The following CSMD1 variants were observed in gnomAD, a reference collection of about 807,000 sequenced individuals.
CSMD1 encodes the protein CUB and sushi domain-containing protein 1.
In CSMD1, 213 loss-of-function variants were observed where a neutral mutation model predicts 417.5. That is an observed-to-expected ratio of 0.51 (90% CI 0.46 to 0.57). CSMD1 has a LOEUF of 0.57. Among genes scored for constraint, CSMD1 ranks in the 20% least tolerant of loss-of-function variants. The pLI is 0.00. For synonymous variants in CSMD1, 2,862 were observed against 1,736.8 expected (o/e 1.65, Z -16.11); for missense variants, 6,923 against 4,529.7 (o/e 1.53, Z -15.17).
intron 7 of CSMD1, among the ~76,000 whole-genome samples, chr8:3,618,453 A>G (rs1802254500): frequency 6.6e-6 from 1 of 151,336 alleles, no homozygotes; most frequent in Non-Finnish European, 1.5e-5. Context: ...AGGTATTTTT[A>G]TTTCTTTTTT....
At chr8:3,631,411 C>G (rs79504297) in intron 7 of CSMD1, among the ~76,000 whole-genome samples, 2,777 of 152,188 alleles carry the variant, frequency 0.018, 88 homozygotes, top group East Asian at 0.17. Flanking sequence ...GAAGCCAGCC[C>G]GTGGCTGAGC....
At chr8:4,211,916 C>T (rs928679629) in intron 3 of CSMD1, among the ~76,000 whole-genome samples, 1 of 152,134 alleles carries the variant, frequency 6.6e-6, no homozygotes, top group Non-Finnish European at 1.5e-5. Flanking sequence ...CATCAATGTA[C>T]TATTAGGAAG....
chr8:3,877,555 G>C (rs538677706), intron 5 of CSMD1, among the ~76,000 whole-genome samples: 4 of 152,082 alleles, frequency 2.6e-5, no homozygotes, highest in Non-Finnish European at 5.9e-5. Context: ...GTAAAGGCCA[G>C]AGAAAAAAAT....
At chr8:4,036,734 G>C (rs112785263) in intron 3 of CSMD1, among the ~76,000 whole-genome samples, 1,781 of 152,300 alleles carry the variant, frequency 0.012, 38 homozygotes, top group East Asian at 0.059. Context: ...TGCAGTTGCA[G>C]GCTTTTATTT....
At chr8:3,984,468 G>C (rs2688390) in intron 5 of CSMD1, among the ~76,000 whole-genome samples, 33,970 of 151,602 alleles carry the variant, frequency 0.22, 4,160 homozygotes, top group Non-Finnish European at 0.29. Context: ...GTTTCTATAA[G>C]GTAAAGCAGC....
chr8:4,240,384 G>A (rs569180995), intron 3 of CSMD1, among the ~76,000 whole-genome samples: 72 of 152,184 alleles, frequency 4.7e-4, no homozygotes, highest in Non-Finnish European at 8.1e-4. Flanking sequence ...CATTTTGCAG[G>A]CATCACAGTT....
At chr8:3,539,172 G>T (rs1028617238) in intron 10 of CSMD1, among the ~76,000 whole-genome samples, 10 of 152,098 alleles carry the variant, frequency 6.6e-5, no homozygotes, top group Non-Finnish European at 1.5e-4. Context: ...TGGCCGCAGG[G>T]CTCTTGCATT....
chr8:2,962,525 G>C lies in CSMD1; in HGVS notation c.9569C>G (p.Ser3190Cys). 1.9e-6 allele frequency: 3 copies of C among 1,613,900 alleles called. No individual in the cohort carries two copies. The highest frequency in any genetic ancestry group is 2.5e-6 in the Non-Finnish European group (3 of 1,179,830). The change falls in exon 61 of 70, where the codon TCC becomes TGC. Residue 3190 changes from serine to cysteine, a missense_variant. Transcript: ENST00000635120. The stretch of plus-strand genomic sequence containing the variant: ...GTCAGCTTGGCAGACTCTTCTGGAG[G>C]ATCCCACGAGTATAAATGGAGATTT... ...QCKSPFILVG[S>C]SRRVCQADGT...
At chr8:3,181,019 T>A (rs923061062) in intron 37 of CSMD1, 91 bp downstream of exon 37, 9 of 774,740 alleles carry the variant, frequency 1.2e-5, no homozygotes, top group Non-Finnish European at 1.7e-5. Context: ...AAATAATATT[T>A]CACTGTTTAA....
intron 17 of CSMD1, among the ~76,000 whole-genome samples, chr8:3,388,174 T>C (rs1811129078): frequency 6.6e-6 from 1 of 152,184 alleles, no homozygotes; most frequent in African/African-American, 2.4e-5. Flanking sequence ...TTAAAAACTG[T>C]GCTAGTGTTA....
chr8:3,030,121 G>C (rs1324993485), intron 50 of CSMD1, among the ~76,000 whole-genome samples: 4 of 152,120 alleles, frequency 2.6e-5, no homozygotes, highest in East Asian at 1.9e-4. Flanking sequence ...GAATATAGCA[G>C]TTACTTAAGA....
intron 1 of CSMD1, among the ~76,000 whole-genome samples, chr8:4,747,035 G>C (rs1035032747): frequency 6.6e-6 from 1 of 152,148 alleles, no homozygotes; most frequent in Non-Finnish European, 1.5e-5. Flanking sequence ...ACTGAGTAGG[G>C]AGGGCCTCCC....
rs554189121 is a variant in CSMD1 at position 4,675,008 on chromosome 8, T to A, written c.86-37450A>T. Among the ~76,000 whole-genome samples the A allele has an allele frequency of 2.6e-5, 4 of 152,236 alleles. No individual in the cohort carries two copies. In the East Asian group the frequency reaches 7.7e-4, roughly 29 times the overall value. Reference sequence around the variant, plus strand: ...TGTCTCCAAACCAAGAAGAGAGCCTTCCCCAGGGAACTAAACTGGCTGCAC... The same window carrying A: ...TGTCTCCAAACCAAGAAGAGAGCCTACCCCAGGGAACTAAACTGGCTGCAC... On this transcript the variant is annotated intron_variant, in intron 1 of 69. Transcript: ENST00000635120.
At chr8:3,131,698 C>G (rs1817803845) in intron 41 of CSMD1, among the ~76,000 whole-genome samples, 1 of 152,070 alleles carries the variant, frequency 6.6e-6, no homozygotes, top group African/African-American at 2.4e-5. Flanking sequence ...TCTTGAACTC[C>G]TGACCTCAGG....
At chr8:4,552,746 C>T (rs1303862252) in intron 2 of CSMD1, among the ~76,000 whole-genome samples, 1 of 152,184 alleles carries the variant, frequency 6.6e-6, no homozygotes, top group Non-Finnish European at 1.5e-5. Context: ...ACTAGATAGG[C>T]ATCGTTTGAA....
At chr8:4,661,227 G>C (rs955814319) in intron 1 of CSMD1, among the ~76,000 whole-genome samples, 3 of 152,136 alleles carry the variant, frequency 2.0e-5, no homozygotes, top group Admixed American at 6.5e-5. Context: ...GTCCTTTAAT[G>C]AGTGAATGGC....
intron 3 of CSMD1, among the ~76,000 whole-genome samples, chr8:4,178,756 C>G (rs1798194168): frequency 1.3e-5 from 2 of 152,144 alleles, no homozygotes; most frequent in South Asian, 2.1e-4. Flanking sequence ...AATCAATGTA[C>G]AAAAATTACA....
intron 12 of CSMD1, among the ~76,000 whole-genome samples, chr8:3,411,105 G>T (rs917712754): frequency 6.6e-6 from 1 of 152,168 alleles, no homozygotes; most frequent in Non-Finnish European, 1.5e-5. Flanking sequence ...GATGCAGGAA[G>T]AAGGCACTGC....
At chr8:4,518,679 AC>A (rs1803259905) in intron 2 of CSMD1, among the ~76,000 whole-genome samples, 1 of 151,276 alleles carries the variant, frequency 6.6e-6, no homozygotes, top group African/African-American at 2.4e-5. Context: ...TGACGAGTTA[AC>A]GGTGCAGCAC....
Sources: allele counts gnomAD v4.1 joint callset (sites outside exome capture counted in the v4.1 genomes callset), GRCh38; gene constraint gnomAD v4.1.1; transcripts MANE v1.5; gene names NCBI Gene and HGNC (gene_info 2026-07-23, HGNC 2026-07-21).